Variants in ANKRD11 observed in about 807,000 individuals in gnomAD.
ANKRD11 encodes the protein ankyrin repeat domain 11, also known as ankyrin repeat domain-containing protein 11.
In ANKRD11, 17 loss-of-function variants were observed where a neutral mutation model predicts 195.7. The observed-to-expected ratio is 0.09, with a 90% confidence interval of 0.06 to 0.13. The LOEUF (loss-of-function observed/expected upper bound fraction) is 0.13, where lower values mean the gene tolerates loss of function less well. ANKRD11 is among the 10% of genes least tolerant of loss of function. The pLI is 1.00. For synonymous variants in ANKRD11, 1,953 were observed against 1,528.1 expected, an observed-to-expected ratio of 1.28 and a Z score of -6.49; for missense variants, 3,735 against 3,566.1, an observed-to-expected ratio of 1.05 and a Z score of -1.21.
At chr16:89,274,642 T>C in intron 11 of ANKRD11, 172 bp downstream of exon 11, 1 of 996,172 alleles carries the variant, frequency 1.0e-6, no homozygotes, top group Non-Finnish European at 1.5e-6. Context: ...CCTTCTTGGC[T>C]CCTTTCTGAG....
chr16:89,276,236 A>G (rs961627490), intron 9 of ANKRD11, among the ~76,000 whole-genome samples: 2 of 152,222 alleles, frequency 1.3e-5, no homozygotes, highest in African/African-American at 4.8e-5. Flanking sequence ...TGCAGGCGGA[A>G]GGGGTGGCTC....
At chr16:89,286,475 A>C in intron 7 of ANKRD11, 1 of 552,024 alleles carries the variant, frequency 1.8e-6, no homozygotes, top group Non-Finnish European at 3.0e-6. Flanking sequence ...TTTTTCCACC[A>C]TTTCTCCGTT....
intron 2 of ANKRD11, among the ~76,000 whole-genome samples, chr16:89,402,825 G>T (rs1193508927): frequency 7.0e-6 from 1 of 143,624 alleles, no homozygotes; most frequent in African/African-American, 2.6e-5. Flanking sequence ...GGTTGGGGGG[G>T]CGGCACTGCG....
chr16:89,371,881 C>T (rs150050784), intron 2 of ANKRD11, among the ~76,000 whole-genome samples: 2 of 152,310 alleles, frequency 1.3e-5, no homozygotes, highest in African/African-American at 2.4e-5. Context: ...ACCTGGTGAC[C>T]GTGTGACTCC....
At chr16:89,333,345 C>G (rs2038165899) in intron 2 of ANKRD11, among the ~76,000 whole-genome samples, 1 of 152,242 alleles carries the variant, frequency 6.6e-6, no homozygotes, top group African/African-American at 2.4e-5. Flanking sequence ...CCGTTTGTTA[C>G]AGCTGAGACC....
rs763560924 is a variant in ANKRD11 at position 89,337,426 on chromosome 16, A to AT, written c.-59-20349dup. Among the ~76,000 whole-genome samples, 372 of 43,606 alleles carry AT rather than the reference A, an allele frequency of 8.5e-3. 9 individuals are homozygous for AT. The highest frequency in any genetic ancestry group is 0.018 in the Admixed American group (70 of 3,836). The allele number at this position is 43,606 out of a possible 152,430, so 28.6% of individuals were successfully genotyped here. On this transcript the variant is annotated intron_variant, in intron 2 of 12. Coordinates refer to ENST00000301030, the MANE Select transcript of ANKRD11 (RefSeq NM_013275.6). Reference sequence around the variant, plus strand: ...ACAATACATGAACATGGTCTAAGCAATTCTTTTTTTTTTTTTTTTTTTTTT... The same window carrying AT: ...ACAATACATGAACATGGTCTAAGCAATTTCTTTTTTTTTTTTTTTTTTTTTT...
At chr16:89,388,611 G>A (rs1019306080) in intron 2 of ANKRD11, among the ~76,000 whole-genome samples, 1 of 152,162 alleles carries the variant, frequency 6.6e-6, no homozygotes, top group Non-Finnish European at 1.5e-5. Flanking sequence ...GAAAATATTT[G>A]CACCTGAGAA....
At chr16:89,472,467 A>C (rs1009994079) in intron 1 of ANKRD11, among the ~76,000 whole-genome samples, 2 of 152,210 alleles carry the variant, frequency 1.3e-5, no homozygotes, top group African/African-American at 4.8e-5. Context: ...AGGCTGGAAA[A>C]GCTCCGGCGG....
chr16:89,344,003 C>T (rs558418283), intron 2 of ANKRD11, among the ~76,000 whole-genome samples: 4 of 152,326 alleles, frequency 2.6e-5, no homozygotes, highest in African/African-American at 9.6e-5. Flanking sequence ...ACATCACAGA[C>T]ATAAATATCG....
At chr16:89,489,429 A>G (rs1285898437) in intron 1 of ANKRD11, among the ~76,000 whole-genome samples, 7 of 33,854 alleles carry the variant, frequency 2.1e-4, no homozygotes, top group African/African-American at 8.8e-4. Flanking sequence ...CCTCCCCCTA[A>G]CACCCCCCAC....
chr16:89,483,406 T>G (rs1453460785), intron 1 of ANKRD11, among the ~76,000 whole-genome samples: 1 of 152,206 alleles, frequency 6.6e-6, no homozygotes, highest in Non-Finnish European at 1.5e-5. Flanking sequence ...GTAAATCTCA[T>G]TGAATATGCT....
intron 4 of ANKRD11, chr16:89,297,576 A>G (rs999047626): frequency 6.6e-6 from 1 of 152,250 alleles, no homozygotes; most frequent in Non-Finnish European, 1.5e-5. Context: ...GATGGTCCAC[A>G]ACGCCAAGTT....
intron 4 of ANKRD11, among the ~76,000 whole-genome samples, chr16:89,296,700 T>A (rs1597507105): frequency 6.6e-6 from 1 of 152,206 alleles, no homozygotes; most frequent in Non-Finnish European, 1.5e-5. Context: ...CCTCAACGTC[T>A]TGTAATTCCA....
intron 2 of ANKRD11, among the ~76,000 whole-genome samples, chr16:89,399,203 C>T (rs1031352713): frequency 3.9e-5 from 6 of 152,116 alleles, no homozygotes; most frequent in Admixed American, 2.6e-4. Context: ...GAGGCAGAAC[C>T]GAGTTCAGGG....
At chr16:89,433,078 C>G (rs1200829100) in intron 1 of ANKRD11, among the ~76,000 whole-genome samples, 1 of 152,080 alleles carries the variant, frequency 6.6e-6, no homozygotes, top group Admixed American at 6.5e-5. Context: ...AAACAGCTCT[C>G]CCTTGGCCTC....
chr16:89,383,536 A>G (rs1040285386), intron 2 of ANKRD11, among the ~76,000 whole-genome samples: 1 of 152,264 alleles, frequency 6.6e-6, no homozygotes, highest in Non-Finnish European at 1.5e-5. Context: ...GTCTGCAAGA[A>G]GGAAGAGCCA....
Position 89,280,205 on chromosome 16 carries a change from C to T in ANKRD11, c.6337G>A (p.Gly2113Ser), listed in dbSNP as rs370535812. Residue 2113 changes from glycine to serine, a missense_variant, in exon 9 of 13, where the codon GGC becomes AGC. Physicochemically the swap from Gly to Ser is moderately conservative, Grantham distance 56 (BLOSUM62 0). Coordinates refer to ENST00000301030, the MANE Select transcript of ANKRD11 (RefSeq NM_013275.6). ...LDGSRGLSHL[G>S]QVEPVPWADA... Reference sequence around the variant, plus strand: ...GCCCAGGGCACCGGCTCCACCTGGCCGAGGTGAGACAGGCCGCGGCTGCCG... The same window carrying T: ...GCCCAGGGCACCGGCTCCACCTGGCTGAGGTGAGACAGGCCGCGGCTGCCG... 35 of 1,608,142 alleles carry T rather than the reference C, an allele frequency of 2.2e-5. No homozygotes were observed. Among genetic ancestry groups the T allele is most frequent in the African/African-American group, 1.9e-4 (14 of 74,888 alleles).
In ANKRD11 at chr16:89,291,715, C is replaced by G. The variant is rs1437968093; in HGVS notation, c.227-532G>C. 7.8e-7 allele frequency: 1 copy of G among 1,289,814 alleles called. No homozygotes were observed. Among genetic ancestry groups the G allele is most frequent in the Non-Finnish European group, 1.0e-6 (1 of 988,940 alleles). The allele number at this position is 1,289,814 out of a possible 1,614,324, so 79.9% of individuals were successfully genotyped here. ...TGCTTCTAGGAACCTCCATCTCATG[C>G]CATGGTGCTTCGAGGAGCGTACCAG... On this transcript the variant is annotated intron_variant, in intron 4 of 12. Transcript: ENST00000301030. The surrounding 1 kb of genome is among the most constrained non-coding windows in gnomAD (Gnocchi z 5.3).
intron 1 of ANKRD11, among the ~76,000 whole-genome samples, chr16:89,462,511 C>T (rs1229381545): frequency 1.3e-5 from 2 of 152,000 alleles, no homozygotes; most frequent in East Asian, 1.9e-4. Flanking sequence ...AAGTGAGGAG[C>T]GTCTCTGCCT....
Sources: gnomAD v4.1 joint callset for allele counts (sites outside exome capture counted in the v4.1 genomes callset) on GRCh38, gnomAD v4.1.1 for gene constraint, Gnocchi (gnomAD v3.1) non-coding constraint, MANE v1.5 for transcripts, NCBI Gene and HGNC (gene_info 2026-07-23, HGNC 2026-07-21) for gene names.